The following SYTL3 variants were observed in gnomAD, a reference collection of about 807,000 sequenced individuals.
The protein encoded by SYTL3 is synaptotagmin like 3.
SYTL3 carries 88 observed loss-of-function variants against 82.1 expected under a neutral mutation model. The ratio of observed to expected loss-of-function variants is 1.07; its 90% CI spans 0.90 to 1.28. SYTL3 has a LOEUF of 1.28. Ranked by LOEUF, SYTL3 falls within the 50% of genes most tolerant of loss-of-function variation. SYTL3 has a pLI of 0.00. For synonymous variants in SYTL3, 311 were observed against 289.4 expected (o/e 1.07, Z -0.76); for missense variants, 831 against 757.6 (o/e 1.10, Z -1.14).
chr6:158,693,091 G>T (rs916124176), intron 6 of SYTL3, among the ~76,000 whole-genome samples: 4 of 152,214 alleles, frequency 2.6e-5, no homozygotes, highest in African/African-American at 4.8e-5. Flanking sequence ...CCACAAGGAT[G>T]ATTCTGTAAA....
At chr6:158,719,636 G>A (rs1366824806) in intron 10 of SYTL3, among the ~76,000 whole-genome samples, 10 of 152,198 alleles carry the variant, frequency 6.6e-5, no homozygotes, top group African/African-American at 1.9e-4. Flanking sequence ...AGCTCCCTCC[G>A]AACTCCCTCC....
At chr6:158,699,882 G>A (rs745777535) in intron 6 of SYTL3, among the ~76,000 whole-genome samples, 6 of 152,014 alleles carry the variant, frequency 3.9e-5, no homozygotes, top group Admixed American at 2.0e-4. Flanking sequence ...GGGGCGCGAA[G>A]GTTGTGGTGA....
intron 13 of SYTL3, among the ~76,000 whole-genome samples, chr6:158,756,042 G>C (rs1042287587): frequency 2.9e-4 from 44 of 152,234 alleles, no homozygotes; most frequent in African/African-American, 1.1e-3. Context: ...AAAGCCTGGT[G>C]TGAAATAAAT....
At chr6:158,652,346 T>TC (rs1788116645) in intron 2 of SYTL3, among the ~76,000 whole-genome samples, 1 of 152,120 alleles carries the variant, frequency 6.6e-6, no homozygotes, top group African/African-American at 2.4e-5. Context: ...CCTCCCGGGT[T>TC]AACACCATTC....
intron 2 of SYTL3, among the ~76,000 whole-genome samples, chr6:158,658,592 G>T (rs1483897406): frequency 2.0e-5 from 3 of 152,128 alleles, no homozygotes; most frequent in East Asian, 1.9e-4. Context: ...GTTGCAAAAA[G>T]TTACCCCTTC....
At chr6:158,723,570 G>A (rs1015668713) in intron 10 of SYTL3, among the ~76,000 whole-genome samples, 19 of 151,952 alleles carry the variant, frequency 1.3e-4, no homozygotes, top group Admixed American at 6.6e-5. Context: ...CATCTGTGCC[G>A]TTTTAAGTGT....
intron 6 of SYTL3, among the ~76,000 whole-genome samples, chr6:158,696,350 C>T (rs959665296): frequency 1.3e-5 from 2 of 151,468 alleles, no homozygotes; most frequent in South Asian, 2.1e-4. Flanking sequence ...CAGGTGCATG[C>T]CACCACGCCT....
At chr6:158,714,100 C>T (rs181236697) in intron 9 of SYTL3, among the ~76,000 whole-genome samples, 1 of 152,330 alleles carries the variant, frequency 6.6e-6, no homozygotes, top group African/African-American at 2.4e-5. Context: ...GACCTGTAAT[C>T]CAAGCACTTT....
At position 158,682,921 on chromosome 6, in the gene SYTL3, T is replaced by C. The variant is rs1583219804; in HGVS notation, c.330-4T>C. 2 of 1,611,944 alleles carry C rather than the reference T, an allele frequency of 1.2e-6. No homozygotes were observed. The highest frequency in any genetic ancestry group is 4.5e-5 in the East Asian group (2 of 44,856). The stretch of plus-strand genomic sequence containing the variant: ...TGAAGCTTCCTTTCTGCTCATTTTT[T>C]CAGGAATGTCAAAATAAAAACTGGA... On this transcript the variant is annotated splice_polypyrimidine_tract_variant and splice_region_variant and intron_variant, in intron 5 of 17. Transcript: ENST00000611299.
intron 6 of SYTL3, among the ~76,000 whole-genome samples, chr6:158,698,825 G>T (rs748500467): frequency 3.7e-4 from 34 of 91,408 alleles, no homozygotes; most frequent in Non-Finnish European, 5.9e-4. Context: ...TGGGCATAAG[G>T]CCTGTTAAGG....
chr6:158,756,666 C>T (rs982422414), intron 13 of SYTL3, among the ~76,000 whole-genome samples: 9 of 143,486 alleles, frequency 6.3e-5, no homozygotes, highest in South Asian at 2.2e-4. Context: ...GAGCCAAGAT[C>T]GTGCCACTGC....
At chr6:158,757,437 C>G (rs1789280143) in intron 14 of SYTL3, 56 bp downstream of exon 14, 1 of 1,569,126 alleles carries the variant, frequency 6.4e-7, no homozygotes, top group East Asian at 2.3e-5. Flanking sequence ...AGATAAATAA[C>G]TTTTCAGAGA....
Position 158,708,776 on chromosome 6 carries a change from G to A in SYTL3, c.516+385G>A, listed in dbSNP as rs143937174. Among the ~76,000 whole-genome samples, 158 of 152,226 alleles carry A rather than the reference G, an allele frequency of 1.0e-3. 1 individual carries two copies. Among genetic ancestry groups the A allele is most frequent in the African/African-American group, 3.5e-3 (147 of 41,520 alleles). On this transcript the variant is annotated intron_variant, in intron 8 of 17. Coordinates refer to ENST00000611299, the MANE Select transcript of SYTL3 (RefSeq NM_001242394.2). The stretch of plus-strand genomic sequence containing the variant: ...GGAGTGTCTCTTTTGAGTGTTTGCA[G>A]GCTCTGATGTACAGTGGACCAGCAC...
intron 17 of SYTL3, 111 bp from the exon 18 acceptor site, chr6:158,764,384 A>C: frequency 1.3e-6 from 1 of 745,136 alleles, no homozygotes; most frequent in Non-Finnish European, 2.3e-6. Context: ...TTGGCCTTTT[A>C]ATGTGGACTT....
intron 6 of SYTL3, among the ~76,000 whole-genome samples, chr6:158,687,251 A>C (rs562246481): frequency 2.0e-5 from 3 of 152,198 alleles, no homozygotes; most frequent in African/African-American, 7.2e-5. Context: ...GCTTACCCTC[A>C]TACCTGGCCA....
rs902632686 is a variant in SYTL3, at chr6:158,713,960, C to T, written c.595+82C>T. 59 of 982,790 alleles carry T rather than the reference C, an allele frequency of 6.0e-5. 1 individual carries two copies. Among genetic ancestry groups the T allele is most frequent in the South Asian group, 4.7e-4 (34 of 72,498 alleles). 60.9% of individuals were successfully genotyped at this position (982,790 alleles called of 1,614,324 possible). A position where few individuals can be genotyped will look rare whatever the true frequency, so the allele number is the denominator to read the frequency against. On this transcript the variant is annotated intron_variant, in intron 9 of 17. Transcript: ENST00000611299. Reference sequence around the variant, plus strand: ...CTGGCCAGGGCCTGGCCGGTGACCTCGGTTGACACTGTCCCTCAGGCCACT... The same window carrying T: ...CTGGCCAGGGCCTGGCCGGTGACCTTGGTTGACACTGTCCCTCAGGCCACT...
intron 6 of SYTL3, among the ~76,000 whole-genome samples, chr6:158,690,912 G>A (rs1421790899): frequency 6.6e-6 from 1 of 152,104 alleles, no homozygotes; most frequent in African/African-American, 2.4e-5. Flanking sequence ...CTCCATCCAC[G>A]GGCATTTGGC....
chr6:158,758,560 G>A (rs1163105678), intron 14 of SYTL3, among the ~76,000 whole-genome samples: 2 of 152,102 alleles, frequency 1.3e-5, no homozygotes, highest in African/African-American at 2.4e-5. Flanking sequence ...TTTCCTCTCC[G>A]GAGCCAGCGC....
At chr6:158,746,459 A>ATTAT (rs1554263762) in intron 12 of SYTL3, among the ~76,000 whole-genome samples, 2 of 142,060 alleles carry the variant, frequency 1.4e-5, no homozygotes, top group Non-Finnish European at 3.0e-5. Context: ...AATAATAATA[A>ATTAT]TATTATTATT....
Sources: gnomAD v4.1 joint callset for allele counts (sites outside exome capture counted in the v4.1 genomes callset) on GRCh38, gnomAD v4.1.1 for gene constraint, MANE v1.5 for transcripts, NCBI Gene and HGNC (gene_info 2026-07-23, HGNC 2026-07-21) for gene names.